The following MAST2 variants were observed in gnomAD, a reference collection of about 807,000 sequenced individuals.
MAST2 encodes microtubule-associated serine/threonine-protein kinase 2.
In MAST2, 70 loss-of-function variants were observed where a neutral mutation model predicts 147.4. The observed-to-expected ratio is 0.47, with a 90% CI of 0.39 to 0.58. The LOEUF (loss-of-function observed/expected upper bound fraction) is 0.58. Among genes scored for constraint, MAST2 ranks in the 20% least tolerant of loss-of-function variants. The pLI, the probability that MAST2 is intolerant of heterozygous loss-of-function variation, is 0.00. For synonymous variants in MAST2, 869 were observed against 896.8 expected, an observed-to-expected ratio of 0.97 and a Z score of 0.55; for missense variants, 2,080 against 2,302.3, an observed-to-expected ratio of 0.90 and a Z score of 1.98.
chr1:45,810,802 C>T (rs1201702062), intron 1 of MAST2, among the ~76,000 whole-genome samples: 1 of 124,694 alleles, frequency 8.0e-6, no homozygotes, highest in East Asian at 2.4e-4. Flanking sequence ...CAGAGCGAGA[C>T]TCCATCTCAA....
At chr1:45,968,909 T>C (rs1643767964) in intron 5 of MAST2, among the ~76,000 whole-genome samples, 1 of 151,936 alleles carries the variant, frequency 6.6e-6, no homozygotes, top group Non-Finnish European at 1.5e-5. Context: ...TTTCTTTGCT[T>C]TTTAGTTTTG....
chr1:45,934,153 A>T (rs1337569523), intron 4 of MAST2, among the ~76,000 whole-genome samples: 1 of 152,076 alleles, frequency 6.6e-6, no homozygotes, highest in Non-Finnish European at 1.5e-5. Flanking sequence ...TCCCACTTAT[A>T]GGTGAGAACA....
intron 8 of MAST2, 122 bp from the exon 9 acceptor site, chr1:46,008,174 G>A (rs1019312328): frequency 5.8e-5 from 39 of 670,180 alleles, no homozygotes; most frequent in African/African-American, 5.6e-4. Context: ...CTCAGTACCC[G>A]TTAAAGTGGG....
At chr1:45,932,054 T>G (rs558264023) in intron 4 of MAST2, among the ~76,000 whole-genome samples, 1 of 152,360 alleles carries the variant, frequency 6.6e-6, no homozygotes, top group East Asian at 1.9e-4. Context: ...CCCATTACTA[T>G]GAAGTTAACC....
intron 5 of MAST2, among the ~76,000 whole-genome samples, chr1:45,968,756 T>A (rs12067716): frequency 0.28 from 43,189 of 151,802 alleles, 6,261 homozygotes; most frequent in South Asian, 0.39. Flanking sequence ...TTTGGGGAAA[T>A]TTTATGTCAT....
chr1:45,948,583 T>C (rs149492804), intron 4 of MAST2, among the ~76,000 whole-genome samples: 106 of 151,792 alleles, frequency 7.0e-4, no homozygotes, highest in African/African-American at 2.5e-3. Context: ...GGTGTGTGTC[T>C]GTAGTCTCAG....
intron 3 of MAST2, among the ~76,000 whole-genome samples, chr1:45,865,724 G>T (rs1646126289): frequency 6.6e-6 from 1 of 152,172 alleles, no homozygotes; most frequent in African/African-American, 2.4e-5. Context: ...AACAGTGAAT[G>T]AAAATAGACT....
At chr1:46,025,392 A>G (rs891190710) in intron 15 of MAST2, among the ~76,000 whole-genome samples, 1 of 152,194 alleles carries the variant, frequency 6.6e-6, no homozygotes, top group East Asian at 1.9e-4. Flanking sequence ...AGCATGGGAA[A>G]GACCCACTTC....
At chr1:45,892,934 A>T (rs1361341266) in intron 4 of MAST2, among the ~76,000 whole-genome samples, 1 of 152,254 alleles carries the variant, frequency 6.6e-6, no homozygotes, top group Admixed American at 6.5e-5. Flanking sequence ...ATAGATAAAC[A>T]TAATTTTTAG....
At chr1:45,808,488 C>T (rs755259832) in intron 1 of MAST2, among the ~76,000 whole-genome samples, 1 of 152,136 alleles carries the variant, frequency 6.6e-6, no homozygotes, top group African/African-American at 2.4e-5. Context: ...GGATTACAGG[C>T]GTGAGCCACC....
intron 3 of MAST2, among the ~76,000 whole-genome samples, chr1:45,837,493 A>G (rs184064201): frequency 2.6e-5 from 4 of 152,254 alleles, no homozygotes; most frequent in Non-Finnish European, 1.5e-5. Flanking sequence ...GCATGGGTAT[A>G]TAGACTTTTC....
intron 3 of MAST2, among the ~76,000 whole-genome samples, chr1:45,857,989 C>T (rs1371455770): frequency 3.3e-5 from 5 of 151,608 alleles, no homozygotes; most frequent in African/African-American, 7.3e-5. Context: ...ATATGTGCCA[C>T]GTTTTCTTAA....
intron 3 of MAST2, among the ~76,000 whole-genome samples, chr1:45,834,113 G>A (rs750350354): frequency 2.6e-5 from 4 of 152,010 alleles, no homozygotes; most frequent in African/African-American, 9.7e-5. Flanking sequence ...TTGGAGTAAC[G>A]GCCGTCTATA....
intron 4 of MAST2, among the ~76,000 whole-genome samples, chr1:45,915,774 A>G (rs1205448026): frequency 1.3e-5 from 2 of 152,018 alleles, no homozygotes; most frequent in African/African-American, 4.8e-5. Flanking sequence ...TTTCAATTAT[A>G]TATTGAACAA....
intron 5 of MAST2, among the ~76,000 whole-genome samples, chr1:45,996,988 A>C (rs1044692420): frequency 4.6e-5 from 7 of 152,126 alleles, no homozygotes; most frequent in African/African-American, 1.7e-4. Flanking sequence ...CATATTAACA[A>C]CTGCCAACAA....
chr1:45,837,951 G>A (rs751169074), intron 3 of MAST2, among the ~76,000 whole-genome samples: 71 of 152,038 alleles, frequency 4.7e-4, no homozygotes, highest in Admixed American at 5.9e-4. Context: ...GCTGATTTTC[G>A]TATTTTTAGT....
chr1:45,965,799 C>G (rs1019763733), intron 5 of MAST2, among the ~76,000 whole-genome samples: 3 of 151,964 alleles, frequency 2.0e-5, no homozygotes, highest in Non-Finnish European at 4.4e-5. Context: ...ACCATATACC[C>G]CCTGCCCTCA....
chr1:45,928,059 C>T lies in MAST2; in HGVS notation c.501-31327C>T, dbSNP rs149110020. Among the ~76,000 whole-genome samples the T allele has an allele frequency of 6.4e-3, 981 of 152,212 alleles. 13 individuals carry two copies. The highest frequency in any genetic ancestry group is 0.023 in the African/African-American group (937 of 41,524). On this transcript the variant is annotated intron_variant, in intron 4 of 28. Transcript: ENST00000361297. ...TCTAGAACTAGGAAAATTTTATTTACTAAATTTTACATTGTGTTATGGAAA... is the reference window on the plus strand; with the variant it reads ...TCTAGAACTAGGAAAATTTTATTTATTAAATTTTACATTGTGTTATGGAAA...
intron 4 of MAST2, among the ~76,000 whole-genome samples, chr1:45,883,483 T>C (rs1290914816): frequency 6.6e-6 from 1 of 152,226 alleles, no homozygotes; most frequent in East Asian, 1.9e-4. Flanking sequence ...CCATGCCATT[T>C]AACTAGCTTT....
Sources: gnomAD v4.1 joint callset for allele counts (sites outside exome capture counted in the v4.1 genomes callset) on GRCh38, gnomAD v4.1.1 for gene constraint, MANE v1.5 for transcripts, NCBI Gene and HGNC (gene_info 2026-07-23, HGNC 2026-07-21) for gene names.